Variants in UBN2 observed in about 807,000 individuals in gnomAD.
UBN2 encodes ubinuclein-2.
A neutral mutation model predicts 120.2 loss-of-function variants in UBN2; 35 were observed. The ratio of observed to expected loss-of-function variants is 0.29; its 90% confidence interval spans 0.22 to 0.39. UBN2 has a LOEUF of 0.39. Among genes scored for constraint, UBN2 ranks in the 10% least tolerant of loss-of-function variants. UBN2 has a pLI of 1.00. For missense variants in UBN2, 1,693 were observed against 1,663.2 expected (o/e 1.02, Z -0.31); for synonymous variants, 661 against 648.7 (o/e 1.02, Z -0.29).
intron 1 of UBN2, among the ~76,000 whole-genome samples, chr7:139,233,935 TA>T (rs1257672008): frequency 6.6e-6 from 1 of 152,102 alleles, no homozygotes; most frequent in Non-Finnish European, 1.5e-5. Context: ...TTATCTCGTA[TA>T]TCAACCTTCT....
At chr7:139,232,931 T>C (rs560493928) in intron 1 of UBN2, among the ~76,000 whole-genome samples, 1 of 152,156 alleles carries the variant, frequency 6.6e-6, no homozygotes, top group Non-Finnish European at 1.5e-5. Flanking sequence ...GAAAAGGAAA[T>C]GATAGATTAA....
At chr7:139,308,424 C>G (rs994550932), downstream of UBN2, among the ~76,000 whole-genome samples, 1 of 152,066 alleles carries the variant, frequency 6.6e-6, no homozygotes, top group African/African-American at 2.4e-5. Flanking sequence ...GATAATGGTT[C>G]AAAATCTGTC....
chr7:139,325,302 C>G, the UBN2 span, among the ~76,000 whole-genome samples: 6 of 119,048 alleles, frequency 5.0e-5, no homozygotes, highest in Non-Finnish European at 6.4e-5. Context: ...GAGTCTTGCT[C>G]TGTCACTCAG....
intron 2 of UBN2, among the ~76,000 whole-genome samples, chr7:139,241,938 C>T (rs1796330180): frequency 1.3e-5 from 2 of 152,060 alleles, no homozygotes; most frequent in Admixed American, 6.6e-5. Context: ...GCAGAGATTG[C>T]AGTGAGCCGA....
Position 139,284,046 on chromosome 7 carries a change from A to G in UBN2, c.3141A>G (p.Thr1047=), listed in dbSNP as rs748747340. The G allele has an allele frequency of 5.6e-6, 9 of 1,613,706 alleles. No individual in the cohort carries two copies. Among genetic ancestry groups the G allele is most frequent in the African/African-American group, 1.3e-5 (1 of 74,788 alleles). ...PKLAASPKPA[T]SPKPLPSPKP... ...TTGCCGCATCTCCCAAGCCTGCCAC[A>G]TCTCCTAAACCCCTGCCCTCGCCTA... is the stretch of plus-strand genomic sequence containing the variant. Residue 1047 remains threonine (T), a synonymous_variant, in exon 15 of 18, where the codon ACA becomes ACG. Coordinates refer to ENST00000473989, the MANE Select transcript of UBN2 (RefSeq NM_173569.4).
At chr7:139,310,696 CTAG>C (rs1798436000), downstream of UBN2, among the ~76,000 whole-genome samples, 1 of 152,184 alleles carries the variant, frequency 6.6e-6, no homozygotes, top group Admixed American at 6.5e-5. Context: ...TCGCTTGCAC[CTAG>C]GAGGCAGAGG....
chr7:139,308,968 G>C (rs1466104442), downstream of UBN2, among the ~76,000 whole-genome samples: 3 of 152,200 alleles, frequency 2.0e-5, no homozygotes, highest in Non-Finnish European at 4.4e-5. Flanking sequence ...TACTCGGGAA[G>C]CTGAGACAGG....
chr7:139,320,543 G>A, the UBN2 span, among the ~76,000 whole-genome samples: 2 of 151,616 alleles, frequency 1.3e-5, no homozygotes, highest in Non-Finnish European at 2.9e-5. Context: ...TATCCATAAC[G>A]TCAAAAACAA....
intron 6 of UBN2, among the ~76,000 whole-genome samples, chr7:139,264,203 TC>T (rs1172145483): frequency 2.0e-5 from 3 of 152,244 alleles, no homozygotes; most frequent in African/African-American, 7.2e-5. Flanking sequence ...TACTATCAAT[TC>T]CGTATTACTT....
rs376191806 is a variant in UBN2, at chr7:139,261,784, A to G, written c.1395+43A>G. Reference sequence around the variant, plus strand: ...CTTGCTTTTTATTTGCTGCACAAACATAAGAATTAATGCTTTTGTTCGTTT... The same window carrying G: ...CTTGCTTTTTATTTGCTGCACAAACGTAAGAATTAATGCTTTTGTTCGTTT... On this transcript the variant is annotated intron_variant, in intron 6 of 17. Transcript: ENST00000473989. 9 of 1,565,682 alleles carry G rather than the reference A, an allele frequency of 5.7e-6. No homozygotes were observed. The African/African-American group carries it at 1.1e-4, about 19-fold the overall frequency.
Position 139,301,683 on chromosome 7 carries a change from CTTTT to C in UBN2, c.*3853_*3856del, listed in dbSNP as rs962200737. ...ATTATTTAGGTTTGGAATTTGTTTG[CTTTT>C]TTTTTGTTTGTTTTTTGTTTTGTTT... is the stretch of plus-strand genomic sequence containing the variant. On this transcript the variant is annotated 3_prime_UTR_variant, in exon 18 of 18. Transcript: ENST00000473989. 2.0e-5 allele frequency: 3 copies of C among 148,744 alleles called. No individual in the cohort carries two copies. The highest frequency in any genetic ancestry group is 4.5e-5 in the Non-Finnish European group (3 of 67,006). The allele number at this position is 148,744 out of a possible 1,614,324, so 9.2% of individuals were successfully genotyped here.
At chr7:139,293,762 G>A in intron 16 of UBN2, 127 bp from the exon 17 acceptor site, 1 of 818,118 alleles carries the variant, frequency 1.2e-6, no homozygotes, top group South Asian at 1.6e-5. Flanking sequence ...TCAAAAACGT[G>A]CTCTAGTTTT....
chr7:139,293,427 T>C lies in UBN2; in HGVS notation c.3865T>C (p.Ser1289Pro), dbSNP rs1170155060. ...AGCTGGAGTGACAACCACCTCGGGA[T>C]CTACCTCAGCCGCTTTCCACCATAG... ...DTAGVTTTSG[S>P]TSAAFHHSLT... Residue 1289 changes from serine to proline, a missense_variant, in exon 16 of 18, where the codon TCT becomes CCT. Physicochemically the swap from Ser to Pro is moderately conservative, Grantham distance 74. Coordinates refer to ENST00000473989, the MANE Select transcript of UBN2 (RefSeq NM_173569.4). The C allele has an allele frequency of 1.2e-6, 2 of 1,614,188 alleles. No homozygotes were observed. The highest frequency in any genetic ancestry group is 1.7e-6 in the Non-Finnish European group (2 of 1,180,018).
chr7:139,283,708 G>C lies in UBN2; in HGVS notation c.2803G>C (p.Val935Leu), dbSNP rs1797686086. ...QVTKVHQHSA[V>L]QQNYVSPLQA... ...AACAAAGGTGCACCAGCATTCAGCTGTCCAGCAGAACTATGTGTCTCCATT... is the reference window on the plus strand; with the variant it reads ...AACAAAGGTGCACCAGCATTCAGCTCTCCAGCAGAACTATGTGTCTCCATT... Residue 935 changes from valine (V) to leucine (L), a missense_variant, in exon 15 of 18, where the codon GTC becomes CTC. Physicochemically the swap from Val to Leu is conservative, Grantham distance 32 (BLOSUM62 1). Transcript: ENST00000473989. 5 of 1,614,040 alleles carry C rather than the reference G, an allele frequency of 3.1e-6. No individual in the cohort carries two copies. Among genetic ancestry groups the C allele is most frequent in the South Asian group, 1.1e-5 (1 of 91,074 alleles).
downstream of UBN2, among the ~76,000 whole-genome samples, chr7:139,308,430 C>G (rs10259845): frequency 0.12 from 18,139 of 152,080 alleles, 2,046 homozygotes; most frequent in African/African-American, 0.25. Context: ...GGTTCAAAAT[C>G]TGTCACAAAG....
intron 13 of UBN2, 83 bp downstream of exon 13, chr7:139,279,443 T>A: frequency 3.6e-6 from 4 of 1,109,222 alleles, no homozygotes; most frequent in Non-Finnish European, 5.3e-6. Context: ...ATGTATGGTA[T>A]TTAGCAGAGG....
At chr7:139,267,548 A>AAG (rs907537487) in intron 7 of UBN2, among the ~76,000 whole-genome samples, 3 of 151,920 alleles carry the variant, frequency 2.0e-5, no homozygotes, top group African/African-American at 7.3e-5. Flanking sequence ...AAAAAAAAAA[A>AAG]AGAGAGAAAG....
chr7:139,236,898 GA>G, intron 1 of UBN2, 106 bp from the exon 2 acceptor site: 1 of 540,348 alleles, frequency 1.9e-6, no homozygotes, highest in South Asian at 2.7e-5. Context: ...CACATTTATT[GA>G]AATAGAATTG....
At chr7:139,289,033 A>G (rs1797868353) in intron 15 of UBN2, among the ~76,000 whole-genome samples, 1 of 151,590 alleles carries the variant, frequency 6.6e-6, no homozygotes, top group Non-Finnish European at 1.5e-5. Context: ...AATGCCCACT[A>G]CGGGAAGAGC....
Sources: allele counts gnomAD v4.1 joint callset (sites outside exome capture counted in the v4.1 genomes callset), GRCh38; gene constraint gnomAD v4.1.1; transcripts MANE v1.5; gene names NCBI Gene and HGNC (gene_info 2026-07-23, HGNC 2026-07-21).